NFKBIZ: variants seen among roughly 807,000 people sequenced by gnomAD.
NFKBIZ encodes the protein NFKB inhibitor zeta, also known as NF-kappa-B inhibitor zeta.
Under a neutral mutation model 76.8 loss-of-function variants are expected in NFKBIZ, and 19 were observed. That is an observed-to-expected ratio of 0.25 (90% CI 0.17 to 0.36). NFKBIZ has a LOEUF of 0.36. Ranked by LOEUF, NFKBIZ falls within the 10% of genes least tolerant of loss-of-function variation. The pLI, the probability that NFKBIZ is intolerant of heterozygous loss-of-function variation, is 1.00. For missense variants in NFKBIZ, 829 were observed against 910.9 expected (o/e 0.91, Z 1.16); for synonymous variants, 368 against 354.8 (o/e 1.04, Z -0.42).
At chr3:101,854,734 T>G (rs749127325) in intron 6 of NFKBIZ, 51 bp downstream of exon 6, 2 of 1,268,086 alleles carry the variant, frequency 1.6e-6, no homozygotes, top group Admixed American at 1.7e-5. Context: ...CATGGTGAAG[T>G]GAATGATGAC....
At chr3:101,828,828 A>G (rs1313323627) in intron 1 of NFKBIZ, among the ~76,000 whole-genome samples, 1 of 152,224 alleles carries the variant, frequency 6.6e-6, no homozygotes, top group African/African-American at 2.4e-5. Flanking sequence ...GATTCTCTTC[A>G]TTGGGATTAG....
At chr3:101,854,736 A>C (rs1475041946) in intron 6 of NFKBIZ, 53 bp downstream of exon 6, 24 of 1,205,698 alleles carry the variant, frequency 2.0e-5, no homozygotes, top group Admixed American at 3.4e-5. Context: ...TGGTGAAGTG[A>C]ATGATGACCA....
At position 101,858,724 on chromosome 3, in the gene NFKBIZ, G is replaced by T. The variant is rs143108958; in HGVS notation, c.2104-594G>T. 8.4e-4 allele frequency among the ~76,000 whole-genome samples: 128 copies of T among 152,280 alleles called. 5 individuals are homozygous for T. In the East Asian group the frequency reaches 0.014, roughly 16 times the overall value. On this transcript the variant is annotated intron_variant, in intron 11 of 11. Transcript: ENST00000326172. Reference sequence around the variant, plus strand: ...AAATTGTTGCTTCTAATCTGCTGGAGGCTGAGAGATAGAAAATAAAATTTG... The same window carrying T: ...AAATTGTTGCTTCTAATCTGCTGGATGCTGAGAGATAGAAAATAAAATTTG...
chr3:101,830,344 T>C (rs530416923), intron 2 of NFKBIZ, among the ~76,000 whole-genome samples: 1 of 152,340 alleles, frequency 6.6e-6, no homozygotes, highest in Non-Finnish European at 1.5e-5. Flanking sequence ...ACTTCAACTT[T>C]TATTTTAGAT....
Position 101,849,792 on chromosome 3 carries a change from T to C in NFKBIZ, c.164T>C (p.Leu55Ser). Residue 55 changes from leucine to serine, a missense_variant, in exon 1 of 12, where the codon TTG (leucine) becomes TCG (serine). Physicochemically the swap from Leu to Ser is moderately radical, Grantham distance 145 (BLOSUM62 -2). This residue lies in a region of NFKBIZ where 181 missense variants were observed against 175.3 expected (regional missense o/e 1.03). Coordinates refer to ENST00000326172, the MANE Select transcript of NFKBIZ (RefSeq NM_031419.4). The stretch of plus-strand genomic sequence containing the variant: ...GCCTGCGACGCCAGCTGCTCGGTCT[T>C]GGGCCCCTCGGCGCCCGGCTCGCCC... ...PGACDASCSVLGPSAPGSPGS... is the reference protein window; with the variant it reads ...PGACDASCSVSGPSAPGSPGS... The C allele has an allele frequency of 1.4e-6, 2 of 1,470,664 alleles. No individual in the cohort carries two copies. The highest frequency in any genetic ancestry group is 1.8e-6 in the Non-Finnish European group (2 of 1,118,518). 91.1% of individuals were successfully genotyped at this position (1,470,664 alleles called of 1,614,324 possible). A position where few individuals can be genotyped will look rare whatever the true frequency, so the allele number is the denominator to read the frequency against.
Position 101,849,518 on chromosome 3 carries a change from T to A in NFKBIZ, c.-111T>A. On this transcript the variant is annotated 5_prime_UTR_variant, in exon 1 of 12. Transcript: ENST00000326172. ...TGGCAGTCCCGCGCCGCGCCCGTAC[T>A]GGCCCGCGCCGTCCGCCCGCCGACA... 13 of 956,666 alleles carry A rather than the reference T, an allele frequency of 1.4e-5. No individual in the cohort carries two copies. Among genetic ancestry groups the A allele is most frequent in the Non-Finnish European group, 1.8e-5 (13 of 730,992 alleles). The allele number at this position is 956,666 out of a possible 1,614,324, so 59.3% of individuals were successfully genotyped here.
intron 2 of NFKBIZ, among the ~76,000 whole-genome samples, chr3:101,841,328 C>G (rs1942781880): frequency 6.6e-6 from 1 of 152,128 alleles, no homozygotes; most frequent in Non-Finnish European, 1.5e-5. Flanking sequence ...GTCAGGTGGC[C>G]TATTGGGAAG....
intron 9 of NFKBIZ, 122 bp downstream of exon 9, chr3:101,856,024 A>G (rs950300854): frequency 1.1e-5 from 10 of 899,390 alleles, no homozygotes; most frequent in Non-Finnish European, 1.6e-5. Flanking sequence ...TGGTGTGAGT[A>G]GCAATGTATG....
chr3:101,858,420 AT>A, intron 11 of NFKBIZ: 1 of 985,468 alleles, frequency 1.0e-6, no homozygotes, highest in South Asian at 4.7e-5. Flanking sequence ...GACCAGAACC[AT>A]CATTAACTTG....
chr3:101,836,577 T>C (rs1942723547), intron 2 of NFKBIZ, among the ~76,000 whole-genome samples: 1 of 152,264 alleles, frequency 6.6e-6, no homozygotes, highest in African/African-American at 2.4e-5. Flanking sequence ...AGGTGGTCAA[T>C]AAATATTTAC....
At chr3:101,833,962 G>A (rs926870788) in intron 2 of NFKBIZ, among the ~76,000 whole-genome samples, 1 of 152,114 alleles carries the variant, frequency 6.6e-6, no homozygotes, top group African/African-American at 2.4e-5. Flanking sequence ...CAAACTTCAT[G>A]GTTGTTCATT....
Position 101,849,892 on chromosome 3 carries a change from C to A in NFKBIZ, c.264C>A (p.Gly88=). Residue 88 remains glycine (G), a synonymous_variant, in exon 1 of 12, where the codon GGC becomes GGA. Coordinates refer to ENST00000326172, the MANE Select transcript of NFKBIZ (RefSeq NM_031419.4). Reference sequence around the variant, plus strand: ...GCGCCGTGGAGTCCCGGTCGAGAGGCGGCGCCCGCGCCGAGCGCCAGCCAG... The same window carrying A: ...GCGCCGTGGAGTCCCGGTCGAGAGGAGGCGCCCGCGCCGAGCGCCAGCCAG... ...SCGAVESRSR[G]GARAERQPVE... 7.0e-7 allele frequency: 1 copy of A among 1,434,934 alleles called. No individual in the cohort carries two copies. Among genetic ancestry groups the A allele is most frequent in the Non-Finnish European group, 9.1e-7 (1 of 1,101,386 alleles). 88.9% of individuals were successfully genotyped at this position (1,434,934 alleles called of 1,614,324 possible). A position where few individuals can be genotyped will look rare whatever the true frequency, so the allele number is the denominator to read the frequency against.
chr3:101,855,610 A>C (rs1463641198), intron 8 of NFKBIZ, 123 bp from the exon 9 acceptor site: 28 of 1,249,100 alleles, frequency 2.2e-5, no homozygotes. Flanking sequence ...AGATTGCCTT[A>C]CTAGTTCTTG....
At chr3:101,855,646 G>A in intron 8 of NFKBIZ, 87 bp from the exon 9 acceptor site, 2 of 1,415,744 alleles carry the variant, frequency 1.4e-6, no homozygotes. Flanking sequence ...GGTTAAGTTA[G>A]AGGCCATCCT....
intron 11 of NFKBIZ, 149 bp from the exon 12 acceptor site, chr3:101,859,169 C>A (rs2107425591): frequency 1.9e-6 from 1 of 536,370 alleles, no homozygotes; most frequent in Non-Finnish European, 3.4e-6. Flanking sequence ...ACCTCAAAAT[C>A]TTGAGAAATA....
chr3:101,853,565 C>A lies in NFKBIZ; in HGVS notation c.1039C>A (p.Gln347Lys). Residue 347 changes from glutamine to lysine, a missense_variant, in exon 5 of 12, where the codon CAA (glutamine) becomes AAA (lysine). This residue lies in a region of NFKBIZ where 371 missense variants were observed against 332.3 expected (regional missense o/e 1.12). Coordinates refer to ENST00000326172, the MANE Select transcript of NFKBIZ (RefSeq NM_031419.4). ...AAGCTTAGTTTCCCTTCTTGGTGAT[C>A]AAAGGGAATCTGAGAATATTGCTAA... ...NQSLVSLLGDQRESENIANPM... is the reference protein window; with the variant it reads ...NQSLVSLLGDKRESENIANPM... The A allele has an allele frequency of 1.2e-6, 2 of 1,614,212 alleles. No homozygotes were observed. Among genetic ancestry groups the A allele is most frequent in the Non-Finnish European group, 1.7e-6 (2 of 1,180,032 alleles).
chr3:101,858,453 C>T (rs1341470396), intron 11 of NFKBIZ: 1 of 985,074 alleles, frequency 1.0e-6, no homozygotes, highest in Non-Finnish European at 1.2e-6. Flanking sequence ...GTCCTAAGCC[C>T]AGTATTTGCT....
At chr3:101,833,095 G>A (rs191551832) in intron 2 of NFKBIZ, among the ~76,000 whole-genome samples, 10 of 152,310 alleles carry the variant, frequency 6.6e-5, no homozygotes. Context: ...TTATGAAGAT[G>A]TGCATGGTTG....
chr3:101,848,731 G>C (rs900084573), upstream of NFKBIZ, among the ~76,000 whole-genome samples: 2 of 152,192 alleles, frequency 1.3e-5, no homozygotes, highest in Non-Finnish European at 2.9e-5. Flanking sequence ...ATATACTACA[G>C]CACCTACATG....
Sources: gnomAD v4.1 joint callset for allele counts (sites outside exome capture counted in the v4.1 genomes callset) on GRCh38, gnomAD v4.1.1 for gene constraint, gnomAD v4.1.1 regional missense constraint, MANE v1.5 for transcripts, NCBI Gene and HGNC (gene_info 2026-07-23, HGNC 2026-07-21) for gene names.